Variants in KCNQ5 observed in about 807,000 individuals in gnomAD.
KCNQ5 encodes potassium voltage-gated channel subfamily KQT member 5.
In KCNQ5, 30 loss-of-function variants were observed where a neutral mutation model predicts 98.2. The ratio of observed to expected loss-of-function variants is 0.31; its 90% CI spans 0.23 to 0.41. The LOEUF is 0.41. KCNQ5 is among the 10% of genes least tolerant of loss of function. The pLI, the probability that KCNQ5 is intolerant of heterozygous loss-of-function variation, is 1.00. For missense variants in KCNQ5, 835 were observed against 1,182.5 expected, an observed-to-expected ratio of 0.71 and a Z score of 4.31; for synonymous variants, 458 against 449.4, an observed-to-expected ratio of 1.02 and a Z score of -0.24.
intron 2 of KCNQ5, among the ~76,000 whole-genome samples, chr6:73,031,748 T>A (rs1771158045): frequency 6.6e-6 from 1 of 152,172 alleles, no homozygotes; most frequent in African/African-American, 2.4e-5. Context: ...TCGGTAGACA[T>A]TTATAAAATG....
At chr6:73,117,677 A>G (rs1582389349) in intron 7 of KCNQ5, among the ~76,000 whole-genome samples, 1 of 152,314 alleles carries the variant, frequency 6.6e-6, no homozygotes, top group East Asian at 1.9e-4. Flanking sequence ...ATCAAAAATC[A>G]TATATGTGTG....
rs557073672 is a variant in KCNQ5 at position 73,047,591 on chromosome 6, G to A, written c.616+5529G>A. Among the ~76,000 whole-genome samples the A allele has an allele frequency of 5.3e-5, 8 of 152,284 alleles. No individual in the cohort carries two copies. In the East Asian group the frequency reaches 5.8e-4, roughly 11 times the overall value. On this transcript the variant is annotated intron_variant, in intron 3 of 13. Transcript: ENST00000370398. ...GACCACATGAAGAAAATTTATTTCC[G>A]AAGAGGAAAATGAATAAGGATTATT...
chr6:72,957,473 A>G (rs1767138529), intron 1 of KCNQ5, among the ~76,000 whole-genome samples: 1 of 152,024 alleles, frequency 6.6e-6, no homozygotes, highest in Admixed American at 6.6e-5. Flanking sequence ...ACCCAGCCGT[A>G]GGAAGCTTTT....
At chr6:73,013,752 G>GAC (rs756240079) in intron 2 of KCNQ5, among the ~76,000 whole-genome samples, 33 of 152,192 alleles carry the variant, frequency 2.2e-4, no homozygotes, top group Non-Finnish European at 3.5e-4. Context: ...TTTCAAGGCT[G>GAC]ACAAGTCTAC....
intron 10 of KCNQ5, among the ~76,000 whole-genome samples, chr6:73,165,516 C>T (rs1365979673): frequency 6.6e-6 from 1 of 152,208 alleles, no homozygotes; most frequent in East Asian, 1.9e-4. Context: ...TGGCCCAGCA[C>T]ATGGCCATGG....
intron 1 of KCNQ5, among the ~76,000 whole-genome samples, chr6:72,843,928 C>CT (rs57856944): frequency 0.017 from 2,526 of 152,146 alleles, 74 homozygotes; most frequent in African/African-American, 0.057. Context: ...AGCAAACTTG[C>CT]TCTCACTCGT....
At chr6:72,823,689 C>G (rs1775860204) in intron 1 of KCNQ5, among the ~76,000 whole-genome samples, 1 of 152,168 alleles carries the variant, frequency 6.6e-6, no homozygotes, top group Non-Finnish European at 1.5e-5. Flanking sequence ...CACTTCCCTG[C>G]ACATCCTACT....
At chr6:72,757,381 G>GATAAA (rs1772024482) in intron 1 of KCNQ5, among the ~76,000 whole-genome samples, 2 of 151,942 alleles carry the variant, frequency 1.3e-5, no homozygotes, top group African/African-American at 4.8e-5. Context: ...ATTTATGATG[G>GATAAA]GGTTATGTCC....
chr6:72,740,371 T>C (rs911889539), intron 1 of KCNQ5, among the ~76,000 whole-genome samples: 1 of 152,108 alleles, frequency 6.6e-6, no homozygotes, highest in African/African-American at 2.4e-5. Flanking sequence ...AGAGTGGCTG[T>C]CCGGTTCAGT....
At chr6:72,923,526 G>A (rs979998014) in intron 1 of KCNQ5, among the ~76,000 whole-genome samples, 4 of 152,092 alleles carry the variant, frequency 2.6e-5, no homozygotes, top group Non-Finnish European at 4.4e-5. Context: ...AGTCATTTGT[G>A]TGTCTTCTTT....
chr6:73,137,490 ATTCATTGACAGTATGTAACCCTC>A (rs1260214196), intron 10 of KCNQ5, among the ~76,000 whole-genome samples: 5 of 152,248 alleles, frequency 3.3e-5, no homozygotes, highest in Non-Finnish European at 7.3e-5. Flanking sequence ...GAAATACTCT[ATTCATTGACAGTATGTAACCCTC>A]TTCACATAAT....
chr6:73,192,497 T>A, intron 12 of KCNQ5, 68 bp from the exon 13 acceptor site: 1 of 1,367,580 alleles, frequency 7.3e-7, no homozygotes, highest in Non-Finnish European at 9.6e-7. Flanking sequence ...TTTCCAAAAC[T>A]CTTCATTCTG....
chr6:72,728,077 C>A (rs1228266513), intron 1 of KCNQ5, among the ~76,000 whole-genome samples: 1 of 152,104 alleles, frequency 6.6e-6, no homozygotes, highest in Non-Finnish European at 1.5e-5. Flanking sequence ...CATGGCCAAG[C>A]CTAATAACAG....
At position 73,084,287 on chromosome 6, in the gene KCNQ5, T is replaced by G. The variant is rs1232447383; in HGVS notation, c.918+6400T>G. Reference sequence around the variant, plus strand: ...TAATGTTGGATTCCCAGTCTAAAGATAGTGTAAAGGGATTATTTATTTAAT... The same window carrying G: ...TAATGTTGGATTCCCAGTCTAAAGAGAGTGTAAAGGGATTATTTATTTAAT... On this transcript the variant is annotated intron_variant, in intron 5 of 13. Coordinates refer to ENST00000370398, the MANE Select transcript of KCNQ5 (RefSeq NM_019842.4). 4.6e-5 allele frequency among the ~76,000 whole-genome samples: 7 copies of G among 152,278 alleles called. No individual in the cohort carries two copies. The South Asian group carries it at 1.5e-3, about 32-fold the overall frequency.
In KCNQ5 at chr6:72,622,311, CCGGCCG is replaced by C; in HGVS notation, c.123_128del (p.Gly44_Arg45del). 7.3e-7 allele frequency: 1 copy of C among 1,363,638 alleles called. No homozygotes were observed. The highest frequency in any genetic ancestry group is 1.8e-5 in the South Asian group (1 of 55,434). 84.5% of individuals were successfully genotyped at this position (1,363,638 alleles called of 1,614,324 possible). Reference sequence around the variant, plus strand: ...GGCAGCGGCATGAAGGATGTGGAGTCCGGCCGGGGCAGGGTGCTGCTGAACTCGGCA... The same window carrying C: ...GGCAGCGGCATGAAGGATGTGGAGTCGGGCAGGGTGCTGCTGAACTCGGCA... On this transcript the variant is annotated inframe_deletion, in exon 1 of 14. Coordinates refer to ENST00000370398, the MANE Select transcript of KCNQ5 (RefSeq NM_019842.4). The surrounding 1 kb of genome is among the most constrained non-coding windows in gnomAD (Gnocchi z 6.0).
At chr6:72,945,320 G>A (rs1027323836) in intron 1 of KCNQ5, among the ~76,000 whole-genome samples, 2 of 151,764 alleles carry the variant, frequency 1.3e-5, no homozygotes, top group Non-Finnish European at 2.9e-5. Flanking sequence ...AGTTACATAT[G>A]TATACATGTG....
intron 1 of KCNQ5, among the ~76,000 whole-genome samples, chr6:72,649,020 AG>A (rs1765744347): frequency 6.6e-6 from 1 of 152,138 alleles, no homozygotes; most frequent in Non-Finnish European, 1.5e-5. Flanking sequence ...GAGTGAAATT[AG>A]CTTTTGATAG....
At chr6:73,044,210 T>C (rs1771851311) in intron 3 of KCNQ5, among the ~76,000 whole-genome samples, 1 of 152,058 alleles carries the variant, frequency 6.6e-6, no homozygotes, top group African/African-American at 2.4e-5. Context: ...AGCCCAGGAG[T>C]TTGAGGCTGC....
At chr6:72,899,651 CTT>C (rs1261991952) in intron 1 of KCNQ5, among the ~76,000 whole-genome samples, 3 of 151,906 alleles carry the variant, frequency 2.0e-5, no homozygotes, top group Non-Finnish European at 4.4e-5. Flanking sequence ...TTCGTCTTTT[CTT>C]TTTTTATTTT....
Sources: gnomAD v4.1 joint callset for allele counts (sites outside exome capture counted in the v4.1 genomes callset) on GRCh38, gnomAD v4.1.1 for gene constraint, Gnocchi (gnomAD v3.1) non-coding constraint, MANE v1.5 for transcripts, NCBI Gene and HGNC (gene_info 2026-07-23, HGNC 2026-07-21) for gene names.